The following CDH26 variants were observed in gnomAD, a reference collection of about 807,000 sequenced individuals.
CDH26 encodes the protein cadherin 26, also known as cadherin-like protein 26.
Under a neutral mutation model 90.3 loss-of-function variants are expected in CDH26, and 83 were observed. The ratio of observed to expected loss-of-function variants is 0.92; its 90% CI spans 0.77 to 1.10. The LOEUF is 1.10. Among genes scored for constraint, CDH26 ranks in the 50% least tolerant of loss-of-function variants. The pLI is 0.00. For synonymous variants in CDH26, 397 were observed against 396.3 expected (o/e 1.00, Z -0.02); for missense variants, 1,013 against 1,037.6 (o/e 0.98, Z 0.33).
At chr20:59,979,493 A>T (rs1206141384) in intron 4 of CDH26, among the ~76,000 whole-genome samples, 1 of 151,396 alleles carries the variant, frequency 6.6e-6, no homozygotes, top group Non-Finnish European at 1.5e-5. Flanking sequence ...CGCCGTGCCC[A>T]GCCGAGTTTG....
At chr20:59,974,384 T>G (rs957814568) in intron 4 of CDH26, among the ~76,000 whole-genome samples, 1 of 152,214 alleles carries the variant, frequency 6.6e-6, no homozygotes, top group Non-Finnish European at 1.5e-5. Context: ...TTTTAAATGA[T>G]GTATTAAGGG....
rs1445983067 is a variant in CDH26 at position 59,987,613 on chromosome 20, A to G, written c.998A>G (p.Asn333Ser). ...HFDISTDPET[N>S]EGILNVIKPL... ...GACATTTCGACTGACCCTGAGACCAACGAAGGGATATTAAATGTTATCAAG... is the reference window on the plus strand; with the variant it reads ...GACATTTCGACTGACCCTGAGACCAGCGAAGGGATATTAAATGTTATCAAG... Residue 333 changes from asparagine (N) to serine (S), a missense_variant, in exon 8 of 18, where the codon AAC becomes AGC. Asn to Ser is a conservative substitution (Grantham distance 46). Coordinates refer to ENST00000348616, the MANE Select transcript of CDH26 (RefSeq NM_177980.4). 8.7e-6 allele frequency: 14 copies of G among 1,613,016 alleles called. No individual in the cohort carries two copies. Among genetic ancestry groups the G allele is most frequent in the East Asian group, 4.5e-5 (2 of 44,854 alleles).
intron 13 of CDH26, among the ~76,000 whole-genome samples, chr20:59,997,805 CAATG>C (rs1245623084): frequency 6.6e-6 from 1 of 152,228 alleles, no homozygotes; most frequent in Non-Finnish European, 1.5e-5. Flanking sequence ...AAAGATATTC[CAATG>C]AACTTGATAT....
In CDH26 at chr20:60,012,433, C is replaced by T. The variant is rs1446420683; in HGVS notation, c.2296-94C>T. 4.2e-6 allele frequency: 5 copies of T among 1,181,158 alleles called. No individual in the cohort carries two copies. In the East Asian group the frequency reaches 9.5e-5, roughly 23 times the overall value. 73.2% of individuals were successfully genotyped at this position (1,181,158 alleles called of 1,614,324 possible). A position where few individuals can be genotyped will look rare whatever the true frequency, so the allele number is the denominator to read the frequency against. On this transcript the variant is annotated intron_variant, in intron 17 of 17. Coordinates refer to ENST00000348616, the MANE Select transcript of CDH26 (RefSeq NM_177980.4). ...ACACGGGGCCTGAGTGCTGTTACTA[C>T]TGCATTGATGTGTTCCTCGAATCAA...
chr20:59,987,366 T>C (rs1490167008), intron 7 of CDH26, 87 bp from the exon 8 acceptor site: 2 of 1,085,132 alleles, frequency 1.8e-6, no homozygotes, highest in East Asian at 5.2e-5. Context: ...TTGCTCTCTC[T>C]CTGCTTCTCT....
At chr20:59,990,866 CTT>C in intron 9 of CDH26, among the ~76,000 whole-genome samples, 1 of 145,108 alleles carries the variant, frequency 6.9e-6, no homozygotes, top group African/African-American at 2.5e-5. Context: ...AATTTCTTTT[CTT>C]TTTTTTTTTT....
At chr20:59,976,787 A>G (rs961732379) in intron 4 of CDH26, among the ~76,000 whole-genome samples, 1 of 152,116 alleles carries the variant, frequency 6.6e-6, no homozygotes, top group African/African-American at 2.4e-5. Context: ...TGGTGGGACC[A>G]CGGTGATGGA....
At position 59,961,186 on chromosome 20, in the gene CDH26, C is replaced by G. The variant is rs992187115; in HGVS notation, c.69+2391C>G. ...AAATCCTGTCCCCATCCTTCCCTCA[C>G]TCCTGCTCCTACCCACAATGAGTCT... is the stretch of plus-strand genomic sequence containing the variant. On this transcript the variant is annotated intron_variant, in intron 1 of 17. Coordinates refer to ENST00000348616, the MANE Select transcript of CDH26 (RefSeq NM_177980.4). Among the ~76,000 whole-genome samples the G allele has an allele frequency of 2.0e-5, 3 of 152,192 alleles. No individual in the cohort carries two copies. The East Asian group carries it at 5.8e-4, about 29-fold the overall frequency.
intron 4 of CDH26, among the ~76,000 whole-genome samples, chr20:59,978,503 G>A (rs972098098): frequency 6.6e-6 from 1 of 151,628 alleles, no homozygotes; most frequent in African/African-American, 2.4e-5. Context: ...AGCCTCCCGA[G>A]TAGTGGGATT....
intron 7 of CDH26, among the ~76,000 whole-genome samples, chr20:59,985,573 C>G (rs1469760780): frequency 1.3e-5 from 2 of 152,176 alleles, no homozygotes; most frequent in Admixed American, 6.5e-5. Flanking sequence ...ATCTGCCCCA[C>G]GATCCAAACA....
chr20:59,980,453 C>T (rs562119664), intron 4 of CDH26, among the ~76,000 whole-genome samples: 14 of 152,182 alleles, frequency 9.2e-5, no homozygotes, highest in Admixed American at 8.5e-4. Flanking sequence ...TGCCACCATG[C>T]CTGGCTAATT....
intron 1 of CDH26, among the ~76,000 whole-genome samples, chr20:59,963,811 A>C (rs1450838146): frequency 6.6e-6 from 1 of 152,044 alleles, no homozygotes; most frequent in Non-Finnish European, 1.5e-5. Context: ...TAGGGTCCAA[A>C]TTCTCCCTGA....
intron 1 of CDH26, among the ~76,000 whole-genome samples, chr20:59,966,719 T>G (rs1445206147): frequency 6.6e-6 from 1 of 152,226 alleles, no homozygotes; most frequent in Non-Finnish European, 1.5e-5. Flanking sequence ...AGTTTGGCCT[T>G]GTGGACTCTC....
At chr20:59,984,273 C>G (rs2061426982) in intron 5 of CDH26, among the ~76,000 whole-genome samples, 1 of 152,058 alleles carries the variant, frequency 6.6e-6, no homozygotes, top group Non-Finnish European at 1.5e-5. Flanking sequence ...TGTCATTTTT[C>G]TTGATTTTAA....
chr20:59,993,166 AT>A (rs1395394392), intron 10 of CDH26, among the ~76,000 whole-genome samples: 1 of 152,162 alleles, frequency 6.6e-6, no homozygotes, highest in African/African-American at 2.4e-5. Context: ...CGTGTTCCTA[AT>A]CAGCATTAAG....
Position 59,992,474 on chromosome 20 carries a change from T to C in CDH26, c.1380T>C (p.His460=). The C allele has an allele frequency of 6.2e-7, 1 of 1,614,150 alleles. No individual in the cohort carries two copies. ...AGCCAATTGACCGAGAATCCCCTCA[T>C]GTAAATAACAGTTTTTATGTAATCA... is the stretch of plus-strand genomic sequence containing the variant. The part of the protein sequence containing the change: ...TVEPIDRESP[H]VNNSFYVIII... Residue 460 remains histidine, a synonymous_variant, in exon 10 of 18, where the codon CAT becomes CAC. Coordinates refer to ENST00000348616, the MANE Select transcript of CDH26 (RefSeq NM_177980.4). This position sits in a 1 kb window ranked among gnomAD's most constrained non-coding sequence, Gnocchi z 5.0.
At chr20:59,970,220 A>G (rs755021514) in intron 3 of CDH26, 34 bp downstream of exon 3, 2 of 1,607,182 alleles carry the variant, frequency 1.2e-6, no homozygotes, top group Non-Finnish European at 1.7e-6. Flanking sequence ...TGACCCCATC[A>G]TGCCCTCTAA....
chr20:60,029,490 T>C (rs540426517), intron 7 of CDH26, among the ~76,000 whole-genome samples: 106 of 152,226 alleles, frequency 7.0e-4, no homozygotes, highest in African/African-American at 2.4e-3. Flanking sequence ...CATTTTACTT[T>C]AAGTGCTAGG....
Position 60,033,341 on chromosome 20 carries a change from C to T in CDH26, c.1144-145C>T, listed in dbSNP as rs1462502286. On this transcript the variant is annotated intron_variant, in intron 8 of 8. Coordinates refer to the CDH26 transcript ENST00000370991. Reference sequence around the variant, plus strand: ...TCTGAAGCTGTGGGTTATTGTTTAACCTCCTTCGTGTACACAGGCTGCCTT... The same window carrying T: ...TCTGAAGCTGTGGGTTATTGTTTAATCTCCTTCGTGTACACAGGCTGCCTT... The T allele has an allele frequency of 2.7e-6, 3 of 1,129,584 alleles. No individual in the cohort carries two copies. The Admixed American group carries it at 1.1e-4, about 42-fold the overall frequency. The allele number at this position is 1,129,584 out of a possible 1,614,324, so 70.0% of individuals were successfully genotyped here.
Sources: gnomAD v4.1 joint callset for allele counts (sites outside exome capture counted in the v4.1 genomes callset) on GRCh38, gnomAD v4.1.1 for gene constraint, Gnocchi (gnomAD v3.1) non-coding constraint, MANE v1.5 for transcripts, NCBI Gene and HGNC (gene_info 2026-07-23, HGNC 2026-07-21) for gene names.